AIG1: variants seen among roughly 807,000 people sequenced by gnomAD.
AIG1 encodes androgen induced 1.
Under a neutral mutation model 31.4 loss-of-function variants are expected in AIG1, and 23 were observed. The observed-to-expected ratio is 0.73, with a 90% confidence interval of 0.53 to 1.04. The LOEUF (loss-of-function observed/expected upper bound fraction) is 1.04. Ranked by LOEUF, AIG1 falls within the 50% of genes least tolerant of loss-of-function variation. AIG1 has a pLI of 0.00. For synonymous variants in AIG1, 100 were observed against 110.5 expected (o/e 0.90, Z 0.60); for missense variants, 274 against 295.0 (o/e 0.93, Z 0.52).
intron 3 of AIG1, among the ~76,000 whole-genome samples, chr6:143,249,175 G>A (rs1171513920): frequency 6.6e-6 from 1 of 152,220 alleles, no homozygotes; most frequent in East Asian, 1.9e-4. Flanking sequence ...CACAGCAGAA[G>A]AAAATCCTAA....
At chr6:143,118,643 T>A (rs1781958099) in intron 1 of AIG1, among the ~76,000 whole-genome samples, 1 of 152,174 alleles carries the variant, frequency 6.6e-6, no homozygotes. Flanking sequence ...AGAGAACTTT[T>A]CCACGTCTCC....
At chr6:143,309,576 TA>T (rs1423582277) in intron 4 of AIG1, among the ~76,000 whole-genome samples, 10 of 151,610 alleles carry the variant, frequency 6.6e-5, no homozygotes, top group South Asian at 4.1e-4. Context: ...GGGAAGGGCA[TA>T]AAAAAAGAAA....
chr6:143,076,378 G>A (rs781668888), intron 1 of AIG1, among the ~76,000 whole-genome samples: 1 of 152,058 alleles, frequency 6.6e-6, no homozygotes, highest in Admixed American at 6.5e-5. Context: ...TATTAGTATA[G>A]CTTCTCCAGC....
intron 3 of AIG1, among the ~76,000 whole-genome samples, chr6:143,275,557 G>T (rs1280263806): frequency 6.6e-6 from 1 of 152,078 alleles, no homozygotes; most frequent in African/African-American, 2.4e-5. Flanking sequence ...TCTTGCAGTG[G>T]TAACAGTGCC....
intron 2 of AIG1, among the ~76,000 whole-genome samples, chr6:143,164,708 A>G (rs1435945619): frequency 6.6e-6 from 1 of 152,120 alleles, no homozygotes; most frequent in African/African-American, 2.4e-5. Context: ...ATGTGTGCTA[A>G]CTCTAGATAG....
intron 1 of AIG1, among the ~76,000 whole-genome samples, chr6:143,085,438 A>G (rs1449318211): frequency 6.6e-6 from 1 of 152,156 alleles, no homozygotes; most frequent in Non-Finnish European, 1.5e-5. Flanking sequence ...TTGACCACAA[A>G]GAAAGGGGTC....
At chr6:143,250,186 G>A (rs1794914776) in intron 3 of AIG1, among the ~76,000 whole-genome samples, 2 of 152,206 alleles carry the variant, frequency 1.3e-5, no homozygotes, top group African/African-American at 2.4e-5. Flanking sequence ...CTCCATGATT[G>A]TGATCACTTG....
chr6:143,252,293 T>A (rs1329937176), intron 3 of AIG1, among the ~76,000 whole-genome samples: 3 of 152,092 alleles, frequency 2.0e-5, no homozygotes, highest in Non-Finnish European at 2.9e-5. Context: ...CTAATTTTTT[T>A]AATTTTTAGT....
chr6:143,252,774 C>T lies in AIG1; in HGVS notation c.400-31336C>T, dbSNP rs550808784. On this transcript the variant is annotated intron_variant, in intron 3 of 5. Transcript: ENST00000357847. ...TCTGTAGATCAGGATTTCAGACAGG[C>T]CTAGCTAGGTCTTCTGTTTTAGAGG... Among the ~76,000 whole-genome samples, 57 of 152,324 alleles carry T rather than the reference C, an allele frequency of 3.7e-4. 1 individual carries two copies. In the South Asian group the frequency reaches 0.01, roughly 27 times the overall value.
chr6:143,139,653 A>G (rs763559437), intron 2 of AIG1, among the ~76,000 whole-genome samples: 4 of 152,124 alleles, frequency 2.6e-5, no homozygotes, highest in African/African-American at 7.2e-5. Flanking sequence ...TTCCTTTCAA[A>G]GAAAGTGACA....
chr6:143,120,502 G>T (rs1484668329), intron 1 of AIG1, among the ~76,000 whole-genome samples: 1 of 152,154 alleles, frequency 6.6e-6, no homozygotes, highest in Non-Finnish European at 1.5e-5. Context: ...TTACATAGAG[G>T]CAGGGAAGAG....
intron 2 of AIG1, among the ~76,000 whole-genome samples, chr6:143,142,736 G>A (rs979472849): frequency 6.6e-6 from 1 of 152,138 alleles, no homozygotes; most frequent in African/African-American, 2.4e-5. Context: ...ATCATGTCTT[G>A]TAAAGACTTA....
chr6:143,274,179 C>A (rs983961034), intron 3 of AIG1, among the ~76,000 whole-genome samples: 3 of 150,748 alleles, frequency 2.0e-5, no homozygotes, highest in Non-Finnish European at 4.4e-5. Flanking sequence ...ACAGTCAGCT[C>A]CCCTTCCCTC....
rs1795393541 is a variant in AIG1, at chr6:143,256,639, C to A, written c.400-27471C>A. On this transcript the variant is annotated intron_variant, in intron 3 of 5. Coordinates refer to ENST00000357847, the MANE Select transcript of AIG1 (RefSeq NM_016108.4). The surrounding 1 kb of genome is among the most constrained non-coding windows in gnomAD (Gnocchi z 4.6). ...TGAAATAGGGTGGGAAAGGATCTTA[C>A]TGAAATAAACATATACTATCAATAT... is the stretch of plus-strand genomic sequence containing the variant. 6.6e-6 allele frequency among the ~76,000 whole-genome samples: 1 copy of A among 152,170 alleles called. No homozygotes were observed. The highest frequency in any genetic ancestry group is 6.5e-5 in the Admixed American group (1 of 15,280).
intron 3 of AIG1, among the ~76,000 whole-genome samples, chr6:143,238,124 A>G (rs1262412353): frequency 6.6e-6 from 1 of 152,086 alleles, no homozygotes; most frequent in Admixed American, 6.5e-5. Flanking sequence ...TATTTTTAGT[A>G]GAGACGGGGT....
intron 3 of AIG1, among the ~76,000 whole-genome samples, chr6:143,264,234 G>A (rs1203880009): frequency 1.3e-5 from 2 of 151,596 alleles, no homozygotes; most frequent in Admixed American, 6.6e-5. Flanking sequence ...CCTTTATCTT[G>A]TGCCCACACT....
chr6:143,215,359 A>G (rs188065175), intron 3 of AIG1, among the ~76,000 whole-genome samples: 5 of 152,262 alleles, frequency 3.3e-5, no homozygotes, highest in Admixed American at 2.6e-4. Context: ...CTCAGCATCC[A>G]CTTTCTCCTT....
intron 1 of AIG1, among the ~76,000 whole-genome samples, chr6:143,102,924 C>T (rs1414655428): frequency 1.3e-5 from 2 of 151,994 alleles, no homozygotes; most frequent in East Asian, 1.9e-4. Flanking sequence ...TTTGTTTTAT[C>T]CCAGAATCCT....
intron 2 of AIG1, among the ~76,000 whole-genome samples, chr6:143,142,692 A>G (rs1279699679): frequency 6.6e-6 from 1 of 152,182 alleles, no homozygotes; most frequent in Non-Finnish European, 1.5e-5. Flanking sequence ...TTAGACTCAA[A>G]GCTGTTTGTT....
Sources: allele counts gnomAD v4.1 joint callset (sites outside exome capture counted in the v4.1 genomes callset), GRCh38; gene constraint gnomAD v4.1.1; non-coding constraint Gnocchi (gnomAD v3.1); transcripts MANE v1.5; gene names NCBI Gene and HGNC (gene_info 2026-07-23, HGNC 2026-07-21).